Variants in P2RX5 observed in about 807,000 individuals in gnomAD.
P2RX5 encodes the protein purinergic receptor P2X 5.
Under a neutral mutation model 54.1 loss-of-function variants are expected in P2RX5, and 46 were observed. That is an observed-to-expected ratio of 0.85 (90% CI 0.67 to 1.09). The LOEUF (loss-of-function observed/expected upper bound fraction) is 1.09. P2RX5 is among the 50% of genes least tolerant of loss of function. The probability of loss-of-function intolerance (pLI) is 0.00; values close to 1 mark genes in which losing one functional copy is unlikely to be tolerated. For synonymous variants in P2RX5, 226 were observed against 226.4 expected (o/e 1.00, Z 0.02); for missense variants, 566 against 549.8 (o/e 1.03, Z -0.29).
rs765504734 is a variant in P2RX5, at chr17:3,679,795, T to A, written c.1065-11A>T. The A allele has an allele frequency of 5.0e-6, 8 of 1,607,058 alleles. No homozygotes were observed. Among genetic ancestry groups the A allele is most frequent in the African/African-American group, 1.3e-5 (1 of 74,834 alleles). On this transcript the variant is annotated splice_polypyrimidine_tract_variant and intron_variant, in intron 10 of 11. Coordinates refer to ENST00000225328, the MANE Select transcript of P2RX5 (RefSeq NM_002561.4). Reference sequence around the variant, plus strand: ...CTGTCTTCTAGGCCCCTGGACAAGATACAAGCTGTTCACCTGGGACGGCCC... The same window carrying A: ...CTGTCTTCTAGGCCCCTGGACAAGAAACAAGCTGTTCACCTGGGACGGCCC...
Position 3,695,877 on chromosome 17 carries a change from G to A in P2RX5, c.129C>T (p.Tyr43=), listed in dbSNP as rs1174227101. The A allele has an allele frequency of 6.2e-7, 1 of 1,613,938 alleles. No individual in the cohort carries two copies. The highest frequency in any genetic ancestry group is 1.1e-5 in the South Asian group (1 of 91,078). ...YRLLQASILA[Y]LVVWVFLIKK... ...GTCCGCGGAGAACTTACACGACCAGGTACGCCAGGATGGAGGCCTGCAGCA... is the reference window on the plus strand; with the variant it reads ...GTCCGCGGAGAACTTACACGACCAGATACGCCAGGATGGAGGCCTGCAGCA... Residue 43 remains tyrosine, a synonymous_variant, in exon 1 of 12, where the codon TAC becomes TAT. Transcript: ENST00000225328.
intron 1 of P2RX5, among the ~76,000 whole-genome samples, chr17:3,694,855 G>A (rs1597276221): frequency 6.6e-6 from 1 of 152,346 alleles, no homozygotes; most frequent in South Asian, 2.1e-4. Context: ...CTGTGGGAAG[G>A]CCAGGGAGGA....
At position 3,687,992 on chromosome 17, in the gene P2RX5, A is replaced by G. The variant is rs772794027; in HGVS notation, c.981+20T>C. 2.8e-6 allele frequency: 3 copies of G among 1,066,550 alleles called. No homozygotes were observed. The highest frequency in any genetic ancestry group is 4.1e-6 in the Non-Finnish European group (3 of 728,246). The allele number at this position is 1,066,550 out of a possible 1,614,324, so 66.1% of individuals were successfully genotyped here. On this transcript the variant is annotated intron_variant, in intron 9 of 11. Transcript: ENST00000225328. ...CCCCCGCCCCCCGCCCAGCCTCAGAACAGGAGAAGGCACACGCACCTTGCC... is the reference window on the plus strand; with the variant it reads ...CCCCCGCCCCCCGCCCAGCCTCAGAGCAGGAGAAGGCACACGCACCTTGCC...
At chr17:3,691,053 A>G in intron 2 of P2RX5, 26 bp from the exon 3 acceptor site, 3 of 1,563,340 alleles carry the variant, frequency 1.9e-6, no homozygotes, top group Non-Finnish European at 1.8e-6. Flanking sequence ...GGCACTGAGG[A>G]ACCTCCTCCT....
rs1434868244 is a variant in P2RX5, at chr17:3,673,862, G to A, written c.*6C>T. The A allele has an allele frequency of 3.7e-6, 6 of 1,613,012 alleles. No individual in the cohort carries two copies. In the African/African-American group the frequency reaches 6.7e-5, roughly 18 times the overall value. ...AGGACAGGGCCTGAACGTAAGCAGA[G>A]GCAATTCACGTGCTCCTGGAATATC... On this transcript the variant is annotated 3_prime_UTR_variant, in exon 12 of 12. Coordinates refer to ENST00000225328, the MANE Select transcript of P2RX5 (RefSeq NM_002561.4).
At chr17:3,717,232 T>G in the P2RX5 span, 1 of 161,858 alleles carries the variant, frequency 6.2e-6, no homozygotes, top group African/African-American at 2.4e-5. Flanking sequence ...TCCAACTCCG[T>G]TCTGACGGCT....
At chr17:3,709,295 A>C in the P2RX5 span, among the ~76,000 whole-genome samples, 1 of 152,182 alleles carries the variant, frequency 6.6e-6, no homozygotes, top group Non-Finnish European at 1.5e-5. Context: ...CATTGAATGA[A>C]GCAAGGTTGC....
the P2RX5 span, chr17:3,718,508 T>G: frequency 2.0e-5 from 3 of 152,290 alleles, no homozygotes; most frequent in Non-Finnish European, 4.4e-5. Flanking sequence ...GCCCTTATGC[T>G]GCATGAGCTG....
chr17:3,709,110 C>A, the P2RX5 span, among the ~76,000 whole-genome samples: 21 of 152,226 alleles, frequency 1.4e-4, no homozygotes, highest in Non-Finnish European at 2.8e-4. Flanking sequence ...TGCCACAACG[C>A]CAGGCTAATT....
the P2RX5 span, among the ~76,000 whole-genome samples, chr17:3,711,763 C>T: frequency 1.3e-5 from 2 of 151,494 alleles, no homozygotes; most frequent in Middle Eastern, 3.5e-3. Context: ...GGCACGATCT[C>T]GTCTCACTGC....
the P2RX5 span, chr17:3,720,309 T>G: frequency 6.6e-7 from 1 of 1,519,178 alleles, no homozygotes; most frequent in South Asian, 1.1e-5. Flanking sequence ...GGAATTACCT[T>G]AGTTCTGTGG....
rs780926915 is a variant in P2RX5 at position 3,679,752 on chromosome 17, T to TCCTCGG, written c.1091_1096dup (p.Ala364_Glu365dup). 4.5e-5 allele frequency: 72 copies of TCCTCGG among 1,611,676 alleles called. No individual in the cohort carries two copies. The African/African-American group carries it at 6.8e-4, about 15-fold the overall frequency. ...AGATAGCCCCAGCCCCGATGCCTCG[T>TCCTCGG]CCTCGGCCTCCTGGGAACTGTCTTC... On this transcript the variant is annotated inframe_insertion, in exon 11 of 12. Coordinates refer to ENST00000225328, the MANE Select transcript of P2RX5 (RefSeq NM_002561.4).
chr17:3,713,167 G>A, the P2RX5 span, among the ~76,000 whole-genome samples: 1 of 151,966 alleles, frequency 6.6e-6, no homozygotes, highest in East Asian at 1.9e-4. Context: ...AATCAGCTTG[G>A]TCAACATAGC....
the P2RX5 span, among the ~76,000 whole-genome samples, chr17:3,716,170 CA>C: frequency 0.55 from 75,103 of 136,916 alleles, 19,931 homozygotes; most frequent in African/African-American, 0.65. Flanking sequence ...AACTCCGTCT[CA>C]AAAAAAAAAA....
At chr17:3,716,244 T>C in the P2RX5 span, among the ~76,000 whole-genome samples, 1 of 146,124 alleles carries the variant, frequency 6.8e-6, no homozygotes. Flanking sequence ...GGATCTTAAA[T>C]AGCAGTAGAA....
At chr17:3,677,321 C>T (rs2050127147) in intron 11 of P2RX5, 1 of 984,894 alleles carries the variant, frequency 1.0e-6, no homozygotes. Flanking sequence ...CCCATCTGGG[C>T]AGGTCCATAT....
At chr17:3,712,820 G>A in the P2RX5 span, among the ~76,000 whole-genome samples, 2 of 152,106 alleles carry the variant, frequency 1.3e-5, no homozygotes, top group East Asian at 1.9e-4. Flanking sequence ...GTGGGTCCCT[G>A]TAGTCCCAGC....
chr17:3,723,509 C>A, the P2RX5 span: 2 of 990,658 alleles, frequency 2.0e-6, no homozygotes, highest in Non-Finnish European at 3.1e-6. Context: ...TCAGCGCTCA[C>A]CTCGGCCCAA....
the P2RX5 span, among the ~76,000 whole-genome samples, chr17:3,701,758 T>G: frequency 1.7e-4 from 21 of 120,328 alleles, no homozygotes; most frequent in Admixed American, 1.2e-3. Context: ...TTTTTTTTTT[T>G]TTGTTTTTTT....
Sources: allele counts gnomAD v4.1 joint callset (sites outside exome capture counted in the v4.1 genomes callset), GRCh38; gene constraint gnomAD v4.1.1; transcripts MANE v1.5; gene names NCBI Gene and HGNC (gene_info 2026-07-23, HGNC 2026-07-21).